The following CFHR2 variants were observed in gnomAD, a reference collection of about 807,000 sequenced individuals.
CFHR2 encodes the protein complement factor H related 2.
Under a neutral mutation model 21.7 loss-of-function variants are expected in CFHR2, and 22 were observed. That is an observed-to-expected ratio of 1.01 (90% CI 0.72 to 1.45). CFHR2 has a LOEUF of 1.45. CFHR2 is among the 40% of genes most tolerant of loss of function. The pLI, the probability that CFHR2 is intolerant of heterozygous loss-of-function variation, is 0.00. For missense variants in CFHR2, 294 were observed against 293.3 expected (o/e 1.00, Z -0.02); for synonymous variants, 98 against 97.4 (o/e 1.01, Z -0.04).
At chr1:196,946,766 T>G (rs1230868097) in intron 1 of CFHR2, among the ~76,000 whole-genome samples, 1 of 152,206 alleles carries the variant, frequency 6.6e-6, no homozygotes, top group East Asian at 1.9e-4. Flanking sequence ...TCAGGAAACA[T>G]TAACCGTTTT....
chr1:196,954,846 C>T (rs1652807266), intron 3 of CFHR2, among the ~76,000 whole-genome samples: 1 of 152,234 alleles, frequency 6.6e-6, no homozygotes, highest in South Asian at 2.1e-4. Context: ...GGTACCAGGT[C>T]GTGAGGCTGC....
chr1:196,948,473 G>A (rs1313336216), intron 1 of CFHR2, among the ~76,000 whole-genome samples: 40 of 151,482 alleles, frequency 2.6e-4, no homozygotes, highest in African/African-American at 3.6e-4. Flanking sequence ...ATGGGCTTTC[G>A]CCATGTTGGC....
At chr1:196,948,103 G>A (rs533443279) in intron 1 of CFHR2, among the ~76,000 whole-genome samples, 7 of 151,798 alleles carry the variant, frequency 4.6e-5, no homozygotes, top group Non-Finnish European at 1.0e-4. Context: ...CGTGTATATG[G>A]ATGTATATAT....
At chr1:196,956,168 A>T (rs1163228277) in intron 3 of CFHR2, among the ~76,000 whole-genome samples, 2 of 152,208 alleles carry the variant, frequency 1.3e-5, no homozygotes, top group Non-Finnish European at 2.9e-5. Flanking sequence ...TGGAGACACA[A>T]AGCCTAACTA....
At chr1:196,947,892 G>A (rs1366414091) in intron 1 of CFHR2, among the ~76,000 whole-genome samples, 1 of 152,096 alleles carries the variant, frequency 6.6e-6, no homozygotes, top group Non-Finnish European at 1.5e-5. Context: ...GGTGAGGGAG[G>A]TTATGCATGT....
chr1:196,949,329 G>A (rs1327126606), intron 1 of CFHR2, 126 bp from the exon 2 acceptor site: 2 of 873,608 alleles, frequency 2.3e-6, no homozygotes, highest in Admixed American at 2.8e-5. Flanking sequence ...ACACTGGAGA[G>A]CATTTAAGCT....
chr1:196,947,439 A>G (rs779201238), intron 1 of CFHR2, among the ~76,000 whole-genome samples: 1 of 152,176 alleles, frequency 6.6e-6, no homozygotes, highest in Non-Finnish European at 1.5e-5. Flanking sequence ...ATTTTGGAGG[A>G]GTGAAGGATA....
chr1:196,945,172 A>G (rs373954398), intron 1 of CFHR2, among the ~76,000 whole-genome samples: 7,149 of 124,618 alleles, frequency 0.057, 1,001 homozygotes, highest in African/African-American at 0.17. Flanking sequence ...CACCACGCCT[A>G]GCCCTTGAAA....
chr1:196,947,694 T>C (rs745393083), intron 1 of CFHR2, among the ~76,000 whole-genome samples: 1 of 152,184 alleles, frequency 6.6e-6, no homozygotes. Context: ...AAAAATAAAA[T>C]TATTTCTTAT....
chr1:196,956,620 A>G (rs1050843140), intron 3 of CFHR2, among the ~76,000 whole-genome samples: 1 of 152,034 alleles, frequency 6.6e-6, no homozygotes, highest in Non-Finnish European at 1.5e-5. Context: ...TTCATCTGTC[A>G]TCTCCCAGTG....
rs2125006232 is a variant in CFHR2 at position 196,949,464 on chromosome 1, G to C, written c.68G>C (p.Cys23Ser). ...TGTGTTATTTTCCCAGCAATGTTCT[G>C]TGATTTTCCAAAAATAAACCATGGA... is the stretch of plus-strand genomic sequence containing the variant. ...ISSVGGEAMF[C>S]DFPKINHGIL... Residue 23 changes from cysteine to serine, a missense_variant, in exon 2 of 5, where the codon TGT becomes TCT. By Grantham distance (112) the Cys-to-Ser change is moderately radical (BLOSUM62 -1). Transcript: ENST00000367415. 6.2e-7 allele frequency: 1 copy of C among 1,612,502 alleles called. No homozygotes were observed. The highest frequency in any genetic ancestry group is 8.5e-7 in the Non-Finnish European group (1 of 1,179,104).
At chr1:196,958,437 A>G (rs1325872313) in intron 4 of CFHR2, among the ~76,000 whole-genome samples, 6 of 151,428 alleles carry the variant, frequency 4.0e-5, no homozygotes, top group Non-Finnish European at 8.9e-5. Flanking sequence ...AGAGAGAGAG[A>G]TGAGGACTCT....
At chr1:196,951,489 G>T (rs1432564717) in intron 3 of CFHR2, among the ~76,000 whole-genome samples, 1 of 152,088 alleles carries the variant, frequency 6.6e-6, no homozygotes, top group Non-Finnish European at 1.5e-5. Context: ...ACTTCTGAGA[G>T]GTATGTTTAT....
At chr1:196,958,190 C>A in intron 4 of CFHR2, 117 bp downstream of exon 4, 2 of 991,104 alleles carry the variant, frequency 2.0e-6, no homozygotes, top group Non-Finnish European at 3.0e-6. Context: ...TGAATGCTTG[C>A]CTACCAAATG....
chr1:196,955,782 G>A (rs182647475), intron 3 of CFHR2, among the ~76,000 whole-genome samples: 2 of 152,222 alleles, frequency 1.3e-5, no homozygotes, highest in African/African-American at 4.8e-5. Context: ...GGGAAGCAGA[G>A]GCTGCAGTGA....
chr1:196,945,725 A>G (rs1659449107), intron 1 of CFHR2, among the ~76,000 whole-genome samples: 1 of 137,322 alleles, frequency 7.3e-6, no homozygotes, highest in Admixed American at 7.7e-5. Flanking sequence ...AAGAAAAGCA[A>G]AATGTAAATA....
Position 196,949,322 on chromosome 1 carries a change from C to T in CFHR2, c.59-133C>T, listed in dbSNP as rs193005803. ...TGTCTTTTCATTCCTAATTTGGACA[C>T]TGGAGAGCATTTAAGCTAAAGGCAT... On this transcript the variant is annotated intron_variant, in intron 1 of 4. Transcript: ENST00000367415. 3.6e-6 allele frequency: 3 copies of T among 825,252 alleles called. No homozygotes were observed. The African/African-American group carries it at 5.2e-5, about 14-fold the overall frequency. 51.1% of individuals were successfully genotyped at this position (825,252 alleles called of 1,614,324 possible). A position where few individuals can be genotyped will look rare whatever the true frequency, so the allele number is the denominator to read the frequency against.
rs755624417 is a variant in CFHR2, at chr1:196,959,062, C to T, written c.795C>T (p.Pro265=). ...GTCAGAATGGGAAACTGGTATATCC[C>T]AGTTGTGAAGAAAAATAGAATCAAT... ...AMCQNGKLVY[P]SCEEK The change falls in exon 5 of 5, where the codon CCC becomes CCT. Residue 265 remains proline, a synonymous_variant. Coordinates refer to ENST00000367415, the MANE Select transcript of CFHR2 (RefSeq NM_005666.4). 2 of 1,604,564 alleles carry T rather than the reference C, an allele frequency of 1.2e-6. No individual in the cohort carries two copies. Among genetic ancestry groups the T allele is most frequent in the Non-Finnish European group, 1.7e-6 (2 of 1,175,566 alleles).
At chr1:196,950,342 G>A (rs1418254081) in intron 2 of CFHR2, among the ~76,000 whole-genome samples, 2 of 150,064 alleles carry the variant, frequency 1.3e-5, no homozygotes, top group Non-Finnish European at 2.9e-5. Context: ...TCTTCTATAT[G>A]TACATATAAA....
Sources: allele counts gnomAD v4.1 joint callset (sites outside exome capture counted in the v4.1 genomes callset), GRCh38; gene constraint gnomAD v4.1.1; transcripts MANE v1.5; gene names NCBI Gene and HGNC (gene_info 2026-07-23, HGNC 2026-07-21).